The following COL8A1 variants were observed in gnomAD, a reference collection of about 807,000 sequenced individuals.
COL8A1 encodes the protein collagen type VIII alpha 1 chain, also known as collagen alpha-1(VIII) chain.
COL8A1 carries 21 observed loss-of-function variants against 42.7 expected under a neutral mutation model. The observed-to-expected ratio is 0.49, with a 90% confidence interval of 0.35 to 0.71. COL8A1 has a LOEUF of 0.71. Ranked by LOEUF, COL8A1 falls within the 30% of genes least tolerant of loss-of-function variation. The pLI, the probability that COL8A1 is intolerant of heterozygous loss-of-function variation, is 0.01. For missense variants in COL8A1, 788 were observed against 962.4 expected, an observed-to-expected ratio of 0.82 and a Z score of 2.40; for synonymous variants, 367 against 369.1, an observed-to-expected ratio of 0.99 and a Z score of 0.06.
At chr3:99,734,994 T>G (rs1051254053) in intron 1 of COL8A1, among the ~76,000 whole-genome samples, 3 of 152,170 alleles carry the variant, frequency 2.0e-5, no homozygotes, top group Admixed American at 6.5e-5. Context: ...TTTTGTACAT[T>G]GATTTTGTAT....
chr3:99,657,142 T>C (rs1360236265), intron 1 of COL8A1, among the ~76,000 whole-genome samples: 2 of 152,212 alleles, frequency 1.3e-5, no homozygotes, highest in East Asian at 3.8e-4. Flanking sequence ...GGAAAAGATC[T>C]ATATGCTTCA....
rs142607010 is a variant in COL8A1, at chr3:99,785,745, G to A, written c.-3-4935G>A. On this transcript the variant is annotated intron_variant, in intron 2 of 3. Transcript: ENST00000652472. ...GGAAGAAAGACTGTGTGAAGACGCA[G>A]GGAGGTGACTGCCATCTACAAGCCA... Among the ~76,000 whole-genome samples, 658 of 152,292 alleles carry A rather than the reference G, an allele frequency of 4.3e-3. 4 individuals carry two copies. Among genetic ancestry groups the A allele is most frequent in the Non-Finnish European group, 4.8e-3 (326 of 68,020 alleles).
intron 1 of COL8A1, among the ~76,000 whole-genome samples, chr3:99,735,039 G>A (rs1033345841): frequency 6.6e-6 from 1 of 151,592 alleles, no homozygotes; most frequent in Non-Finnish European, 1.5e-5. Context: ...ATCAGCTTAA[G>A]GAGATTTTGG....
chr3:99,675,212 A>G (rs974366359), intron 1 of COL8A1, among the ~76,000 whole-genome samples: 1 of 152,050 alleles, frequency 6.6e-6, no homozygotes, highest in Non-Finnish European at 1.5e-5. Flanking sequence ...TGACACAGAA[A>G]GCTAGAGCCA....
chr3:99,719,601 G>A (rs1209314251), intron 1 of COL8A1, among the ~76,000 whole-genome samples: 1 of 152,122 alleles, frequency 6.6e-6, no homozygotes, highest in Non-Finnish European at 1.5e-5. Context: ...CAAGGGAACA[G>A]GTAAGACTTT....
intron 1 of COL8A1, among the ~76,000 whole-genome samples, chr3:99,722,451 C>T (rs528478316): frequency 6.6e-6 from 1 of 152,218 alleles, no homozygotes; most frequent in South Asian, 2.1e-4. Flanking sequence ...GAGTAGGTAC[C>T]TGACAAGACT....
At chr3:99,681,886 A>T (rs1428949206) in intron 1 of COL8A1, among the ~76,000 whole-genome samples, 2 of 152,204 alleles carry the variant, frequency 1.3e-5, no homozygotes, top group Non-Finnish European at 2.9e-5. Flanking sequence ...CATTTTGGAG[A>T]TGAGAAGACT....
intron 1 of COL8A1, among the ~76,000 whole-genome samples, chr3:99,643,587 T>C (rs1937564486): frequency 6.6e-6 from 1 of 152,244 alleles, no homozygotes; most frequent in African/African-American, 2.4e-5. Context: ...AAACAGTCTA[T>C]ACAGACATAC....
intron 1 of COL8A1, among the ~76,000 whole-genome samples, chr3:99,662,314 G>A (rs1277275501): frequency 1.3e-5 from 2 of 151,838 alleles, no homozygotes; most frequent in East Asian, 3.9e-4. Flanking sequence ...CCCAGGAGAC[G>A]GAGGTTGCCC....
chr3:99,725,007 G>A (rs527529333), intron 1 of COL8A1, among the ~76,000 whole-genome samples: 2 of 151,982 alleles, frequency 1.3e-5, no homozygotes, highest in South Asian at 4.1e-4. Flanking sequence ...TTGTGGTAAG[G>A]ATTAAATGAT....
intron 1 of COL8A1, among the ~76,000 whole-genome samples, chr3:99,684,083 C>T (rs1208513669): frequency 6.6e-6 from 1 of 152,052 alleles, no homozygotes; most frequent in East Asian, 1.9e-4. Flanking sequence ...TCAGTGCTCT[C>T]GGGTCTGAAA....
intron 1 of COL8A1, among the ~76,000 whole-genome samples, chr3:99,677,513 T>G (rs1020520431): frequency 6.6e-6 from 1 of 152,140 alleles, no homozygotes; most frequent in Non-Finnish European, 1.5e-5. Context: ...TAATACACAA[T>G]AGTCCAAAGT....
At chr3:99,722,522 C>T (rs1039849246) in intron 1 of COL8A1, among the ~76,000 whole-genome samples, 1 of 152,022 alleles carries the variant, frequency 6.6e-6, no homozygotes, top group Non-Finnish European at 1.5e-5. Context: ...TAGAAGTTCT[C>T]GCTTGAGAAA....
At chr3:99,651,590 C>T (rs1415395925) in intron 1 of COL8A1, among the ~76,000 whole-genome samples, 1 of 152,232 alleles carries the variant, frequency 6.6e-6, no homozygotes, top group African/African-American at 2.4e-5. Flanking sequence ...AACAGGCCAA[C>T]CATGCAATAA....
chr3:99,640,679 AT>A (rs1275566752), intron 1 of COL8A1, among the ~76,000 whole-genome samples: 2 of 152,196 alleles, frequency 1.3e-5, no homozygotes, highest in Admixed American at 6.5e-5. Context: ...ATCATCTTAG[AT>A]TGCTCATGAT....
intron 2 of COL8A1, among the ~76,000 whole-genome samples, chr3:99,770,499 A>G (rs1196489057): frequency 6.6e-6 from 1 of 152,242 alleles, no homozygotes; most frequent in Admixed American, 6.5e-5. Flanking sequence ...ATCAACTACC[A>G]TGTGTCAAAT....
At chr3:99,642,708 A>G (rs1475393487) in intron 1 of COL8A1, among the ~76,000 whole-genome samples, 7 of 152,082 alleles carry the variant, frequency 4.6e-5, no homozygotes, top group Non-Finnish European at 8.8e-5. Flanking sequence ...CCTGGAAAAA[A>G]TCTCTTTTTA....
intron 1 of COL8A1, among the ~76,000 whole-genome samples, chr3:99,673,738 G>T (rs1938612651): frequency 6.6e-6 from 1 of 151,896 alleles, no homozygotes; most frequent in African/African-American, 2.4e-5. Flanking sequence ...CAGAGCATAG[G>T]TATTAAGATT....
At chr3:99,708,334 A>T (rs1939740613) in intron 1 of COL8A1, among the ~76,000 whole-genome samples, 1 of 152,132 alleles carries the variant, frequency 6.6e-6, no homozygotes, top group Non-Finnish European at 1.5e-5. Context: ...GTGGTCAGAG[A>T]CATAACTCAG....
Sources: allele counts gnomAD v4.1 joint callset (sites outside exome capture counted in the v4.1 genomes callset), GRCh38; gene constraint gnomAD v4.1.1; transcripts MANE v1.5; gene names NCBI Gene and HGNC (gene_info 2026-07-23, HGNC 2026-07-21).